Variants in FHIT observed in about 807,000 individuals in gnomAD.
The protein encoded by FHIT is bis(5'-adenosyl)-triphosphatase.
In FHIT, 19 loss-of-function variants were observed where a neutral mutation model predicts 17.9. The observed-to-expected ratio is 1.06, with a 90% CI of 0.74 to 1.56. The LOEUF is 1.56. Among genes scored for constraint, FHIT ranks in the 40% most tolerant of loss-of-function variants. FHIT has a pLI of 0.00. For missense variants in FHIT, 248 were observed against 189.2 expected (o/e 1.31, Z -1.82); for synonymous variants, 81 against 69.7 (o/e 1.16, Z -0.81).
At chr3:60,138,284 G>A (rs1253746865) in intron 5 of FHIT, among the ~76,000 whole-genome samples, 1 of 152,134 alleles carries the variant, frequency 6.6e-6, no homozygotes, top group African/African-American at 2.4e-5. Context: ...GTGAACCAAG[G>A]GAATGAGTGA....
intron 3 of FHIT, among the ~76,000 whole-genome samples, chr3:60,848,067 G>A (rs1314897029): frequency 6.6e-6 from 1 of 152,144 alleles, no homozygotes; most frequent in Non-Finnish European, 1.5e-5. Flanking sequence ...GTGGCCTCTA[G>A]GCAGCTCCCA....
At chr3:60,569,180 G>A (rs2037248189) in intron 4 of FHIT, among the ~76,000 whole-genome samples, 1 of 151,934 alleles carries the variant, frequency 6.6e-6, no homozygotes, top group Non-Finnish European at 1.5e-5. Context: ...TAACATTTCA[G>A]GCAGTATCTT....
intron 4 of FHIT, among the ~76,000 whole-genome samples, chr3:60,615,905 A>C (rs1553675714): frequency 6.6e-6 from 1 of 152,204 alleles, no homozygotes; most frequent in Non-Finnish European, 1.5e-5. Flanking sequence ...ATAGAGTGAG[A>C]TGTGGAAGAA....
intron 4 of FHIT, among the ~76,000 whole-genome samples, chr3:60,656,401 T>C (rs1229345731): frequency 6.6e-6 from 1 of 152,170 alleles, no homozygotes; most frequent in Non-Finnish European, 1.5e-5. Flanking sequence ...AAGATTTGTT[T>C]TTCCTCTTCC....
At chr3:60,043,025 T>G (rs1701505639) in intron 5 of FHIT, among the ~76,000 whole-genome samples, 1 of 152,178 alleles carries the variant, frequency 6.6e-6, no homozygotes, top group Non-Finnish European at 1.5e-5. Context: ...TGCTCATGAA[T>G]TTACCCTCTC....
chr3:60,042,175 G>A (rs1157623763), intron 5 of FHIT, among the ~76,000 whole-genome samples: 1 of 152,138 alleles, frequency 6.6e-6, no homozygotes, highest in East Asian at 1.9e-4. Context: ...CCAGGAAAAG[G>A]CATTAGAAAT....
intron 8 of FHIT, among the ~76,000 whole-genome samples, chr3:59,757,956 A>C (rs1701304063): frequency 6.6e-6 from 1 of 152,202 alleles, no homozygotes; most frequent in African/African-American, 2.4e-5. Context: ...ATACAAAGAT[A>C]AATAAGCCCA....
chr3:60,150,811 T>A (rs1210100231), intron 5 of FHIT, among the ~76,000 whole-genome samples: 1 of 151,872 alleles, frequency 6.6e-6, no homozygotes, highest in Non-Finnish European at 1.5e-5. Flanking sequence ...CCCAGCTACT[T>A]GGGAGGCTGA....
rs752823757 is a variant in FHIT at position 60,178,455 on chromosome 3, G to A, written c.104-164303C>T. On this transcript the variant is annotated intron_variant, in intron 5 of 9. Transcript: ENST00000492590. ...ACAAAAATTACCTGGGTGTTGTGGC[G>A]CACACCTGTAGTCCCAGCTACTCAG... Among the ~76,000 whole-genome samples the A allele has an allele frequency of 3.3e-5, 5 of 152,030 alleles. 2 individuals carry two copies. The South Asian group carries it at 1.0e-3, about 32-fold the overall frequency.
Position 60,801,486 on chromosome 3 carries a change from T to G in FHIT, c.-18+20433A>C, listed in dbSNP as rs545849117. ...AATTAAATAACCTGTCCTACTGCTATGCATGACAGAAGCCCTACCAGTGGG... is the reference window on the plus strand; with the variant it reads ...AATTAAATAACCTGTCCTACTGCTAGGCATGACAGAAGCCCTACCAGTGGG... On this transcript the variant is annotated intron_variant, in intron 4 of 9. Coordinates refer to ENST00000492590, the MANE Select transcript of FHIT (RefSeq NM_002012.4). Among the ~76,000 whole-genome samples the G allele has an allele frequency of 5.3e-5, 8 of 152,342 alleles. No homozygotes were observed. The East Asian group carries it at 1.5e-3, about 29-fold the overall frequency.
intron 3 of FHIT, among the ~76,000 whole-genome samples, chr3:60,865,046 A>C (rs1256614188): frequency 6.6e-6 from 1 of 152,154 alleles, no homozygotes; most frequent in Non-Finnish European, 1.5e-5. Flanking sequence ...TAAAATAGGG[A>C]ATAAATCTAT....
At chr3:60,534,616 G>A (rs1042915763) in intron 5 of FHIT, among the ~76,000 whole-genome samples, 5 of 152,052 alleles carry the variant, frequency 3.3e-5, no homozygotes, top group Non-Finnish European at 7.4e-5. Context: ...GACTTATAGA[G>A]TATAATGATT....
chr3:61,032,047 G>A (rs1475230252), intron 3 of FHIT, among the ~76,000 whole-genome samples: 1 of 152,210 alleles, frequency 6.6e-6, no homozygotes, highest in Non-Finnish European at 1.5e-5. Context: ...TAGAACATAA[G>A]AGGAGATTTT....
chr3:60,698,542 A>G (rs1225019381), intron 4 of FHIT, among the ~76,000 whole-genome samples: 4 of 152,164 alleles, frequency 2.6e-5, no homozygotes, highest in Non-Finnish European at 4.4e-5. Context: ...TAAACTACCT[A>G]TGGCTGGGGA....
intron 8 of FHIT, among the ~76,000 whole-genome samples, chr3:59,808,467 T>C (rs1222808491): frequency 6.6e-6 from 1 of 152,202 alleles, no homozygotes; most frequent in Non-Finnish European, 1.5e-5. Context: ...CTGCCAGTGA[T>C]GACCAGTCTC....
At chr3:60,213,533 T>C (rs1703554693) in intron 5 of FHIT, among the ~76,000 whole-genome samples, 1 of 152,154 alleles carries the variant, frequency 6.6e-6, no homozygotes, top group African/African-American at 2.4e-5. Flanking sequence ...CCATACAGGA[T>C]GGGGAAGGAG....
intron 8 of FHIT, among the ~76,000 whole-genome samples, chr3:59,825,786 C>T (rs1215515660): frequency 1.3e-5 from 2 of 152,144 alleles, no homozygotes; most frequent in East Asian, 1.9e-4. Flanking sequence ...AATCATTTGC[C>T]CAATCTACCC....
At chr3:61,009,619 G>A (rs1181735610) in intron 3 of FHIT, among the ~76,000 whole-genome samples, 1 of 152,114 alleles carries the variant, frequency 6.6e-6, no homozygotes, top group African/African-American at 2.4e-5. Flanking sequence ...TCAAAGAAGT[G>A]CTTCCTAACA....
intron 5 of FHIT, among the ~76,000 whole-genome samples, chr3:60,249,727 A>G (rs1456080326): frequency 1.2e-5 from 1 of 82,304 alleles, no homozygotes; most frequent in Non-Finnish European, 2.4e-5. Flanking sequence ...CACACGGGAG[A>G]AGGGGGAAGG....
Sources: allele counts gnomAD v4.1 joint callset (sites outside exome capture counted in the v4.1 genomes callset), GRCh38; gene constraint gnomAD v4.1.1; transcripts MANE v1.5; gene names NCBI Gene and HGNC (gene_info 2026-07-23, HGNC 2026-07-21).